Variants in HLA-E observed in about 807,000 individuals in gnomAD.
HLA-E encodes major histocompatibility complex, class I, E, also known as HLA class I histocompatibility antigen, alpha chain E.
In HLA-E, 25 loss-of-function variants were observed where a neutral mutation model predicts 43.4. The ratio of observed to expected loss-of-function variants is 0.58; its 90% CI spans 0.42 to 0.80. The LOEUF (loss-of-function observed/expected upper bound fraction) is 0.80. Ranked by LOEUF, HLA-E falls within the 30% of genes least tolerant of loss-of-function variation. The pLI is 0.00. For missense variants in HLA-E, 343 were observed against 470.0 expected (o/e 0.73, Z 2.50); for synonymous variants, 161 against 197.6 (o/e 0.81, Z 1.55).
At position 30,490,987 on chromosome 6, in the gene HLA-E, C is replaced by A; in HGVS notation, c.611-150C>A. 2 of 1,129,234 alleles carry A rather than the reference C, an allele frequency of 1.8e-6. No individual in the cohort carries two copies. Among genetic ancestry groups the A allele is most frequent in the Non-Finnish European group, 2.5e-6 (2 of 785,882 alleles). The allele number at this position is 1,129,234 out of a possible 1,614,324, so 70.0% of individuals were successfully genotyped here. On this transcript the variant is annotated intron_variant, in intron 3 of 7. Coordinates refer to ENST00000376630, the MANE Select transcript of HLA-E (RefSeq NM_005516.6). The surrounding 1 kb of genome is among the most constrained non-coding windows in gnomAD (Gnocchi z 6.6). ...AACTTTCCAAGGAATAAGAGGCTAT[C>A]CCAGATCCCTAAGTCCAGGCTGGTG...
rs566865526 is a variant in HLA-E at position 30,492,118 on chromosome 6, A to G, written c.1004-286A>G. Among the ~76,000 whole-genome samples the G allele has an allele frequency of 6.6e-6, 1 of 152,120 alleles. No individual in the cohort carries two copies. Among genetic ancestry groups the G allele is most frequent in the Admixed American group, 6.5e-5 (1 of 15,282 alleles). On this transcript the variant is annotated intron_variant, in intron 5 of 7. Coordinates refer to ENST00000376630, the MANE Select transcript of HLA-E (RefSeq NM_005516.6). This position sits in a 1 kb window ranked among gnomAD's most constrained non-coding sequence, Gnocchi z 4.5. ...ACCCAGCCGCACCTACTCTTTTGTAAAGCACCTGTGACAATGAAGGACAGA... is the reference window on the plus strand; with the variant it reads ...ACCCAGCCGCACCTACTCTTTTGTAGAGCACCTGTGACAATGAAGGACAGA...
rs1310561042 is a variant in HLA-E at position 30,491,572 on chromosome 6, A to G, written c.922A>G (p.Ile308Val). 2 of 1,613,546 alleles carry G rather than the reference A, an allele frequency of 1.2e-6. No individual in the cohort carries two copies. Among genetic ancestry groups the G allele is most frequent in the Admixed American group, 3.3e-5 (2 of 60,024 alleles). ...ASQPTIPIVGIIAGLVLLGSV... is the reference protein window; with the variant it reads ...ASQPTIPIVGVIAGLVLLGSV... ...CCAGCCCACCATCCCCATCGTGGGC[A>G]TCATTGCTGGCCTGGTTCTCCTTGG... The change falls in exon 5 of 8, where the codon ATC (isoleucine) becomes GTC (valine). Residue 308 changes from isoleucine to valine, a missense_variant. Ile to Val is a conservative substitution (Grantham distance 29). Around this residue, in one of 3 missense-constraint regions of HLA-E, gnomAD observed 190 missense variants for 283.6 expected, o/e 0.67. Coordinates refer to ENST00000376630, the MANE Select transcript of HLA-E (RefSeq NM_005516.6). The surrounding 1 kb of genome is among the most constrained non-coding windows in gnomAD (Gnocchi z 5.4).
rs1235170228 is a variant in HLA-E at position 30,490,842 on chromosome 6, C to T, written c.611-295C>T. 2.0e-5 allele frequency among the ~76,000 whole-genome samples: 3 copies of T among 152,126 alleles called. No individual in the cohort carries two copies. The highest frequency in any genetic ancestry group is 4.4e-5 in the Non-Finnish European group (3 of 68,010). On this transcript the variant is annotated intron_variant, in intron 3 of 7. Coordinates refer to ENST00000376630, the MANE Select transcript of HLA-E (RefSeq NM_005516.6). This position sits in a 1 kb window ranked among gnomAD's most constrained non-coding sequence, Gnocchi z 6.6. ...TTTCTCTCGTGCCTGATTCTCAGCC[C>T]CACACCAAGAGTTTTTGGAGGTCTG...
chr6:30,491,027 T>A lies in HLA-E; in HGVS notation c.611-110T>A. The A allele has an allele frequency of 6.9e-7, 1 of 1,448,240 alleles. No homozygotes were observed. Among genetic ancestry groups the A allele is most frequent in the East Asian group, 2.3e-5 (1 of 43,848 alleles). The allele number at this position is 1,448,240 out of a possible 1,614,324, so 89.7% of individuals were successfully genotyped here. On this transcript the variant is annotated intron_variant, in intron 3 of 7. Coordinates refer to ENST00000376630, the MANE Select transcript of HLA-E (RefSeq NM_005516.6). The surrounding 1 kb of genome is among the most constrained non-coding windows in gnomAD (Gnocchi z 5.4). ...CCAGGCTGGTGTCAAGGTTTTGTCC[T>A]CTTCTCCTACTATAATTGTCCTCTT... is the stretch of plus-strand genomic sequence containing the variant.
rs1197614864 is a variant in HLA-E, at chr6:30,489,782, C to T, written c.121C>T (p.Pro41Ser). 2 of 1,612,938 alleles carry T rather than the reference C, an allele frequency of 1.2e-6. No homozygotes were observed. The highest frequency in any genetic ancestry group is 1.7e-6 in the Non-Finnish European group (2 of 1,179,958). ...TSVSRPGRGE[P>S]RFISVGYVDD... is the part of the protein sequence containing the mutation. The stretch of plus-strand genomic sequence containing the variant: ...CGTGTCCCGGCCCGGCCGCGGGGAG[C>T]CCCGCTTCATCTCTGTGGGCTACGT... Residue 41 changes from proline to serine, a missense_variant, in exon 2 of 8, where the codon CCC becomes TCC. This residue lies in a region of HLA-E where 94 missense variants were observed against 144.4 expected (regional missense o/e 0.65). Coordinates refer to ENST00000376630, the MANE Select transcript of HLA-E (RefSeq NM_005516.6). The surrounding 1 kb of genome is among the most constrained non-coding windows in gnomAD (Gnocchi z 5.6).
rs1287655585 is a variant in HLA-E, at chr6:30,491,910, C to A, written c.1003+257C>A. 6.6e-6 allele frequency among the ~76,000 whole-genome samples: 1 copy of A among 152,142 alleles called. No individual in the cohort carries two copies. The highest frequency in any genetic ancestry group is 1.5e-5 in the Non-Finnish European group (1 of 68,038). On this transcript the variant is annotated intron_variant, in intron 5 of 7. Transcript: ENST00000376630. This position sits in a 1 kb window ranked among gnomAD's most constrained non-coding sequence, Gnocchi z 5.4. ...CTCCCAGGTTCAAGCAATTCTCCTG[C>A]CTCAGCCTCCCTAGTAGCTGGGACT...
In HLA-E at chr6:30,489,673, G is replaced by A. The variant is rs1796396163; in HGVS notation, c.65-53G>A. The A allele has an allele frequency of 1.2e-6, 2 of 1,609,922 alleles. No individual in the cohort carries two copies. Among genetic ancestry groups the A allele is most frequent in the South Asian group, 1.1e-5 (1 of 90,858 alleles). On this transcript the variant is annotated intron_variant, in intron 1 of 7. Transcript: ENST00000376630. The surrounding 1 kb of genome is among the most constrained non-coding windows in gnomAD (Gnocchi z 5.6). ...GGCCCGGCGGGGGCGAAGGACTCGGGGAGCCGCGCCGGGAGGAGGGTCGGG... is the reference window on the plus strand; with the variant it reads ...GGCCCGGCGGGGGCGAAGGACTCGGAGAGCCGCGCCGGGAGGAGGGTCGGG...
chr6:30,490,990 A>G lies in HLA-E; in HGVS notation c.611-147A>G, dbSNP rs539831882. 1 of 1,145,626 alleles carries G rather than the reference A, an allele frequency of 8.7e-7. No homozygotes were observed. The highest frequency in any genetic ancestry group is 2.4e-5 in the Admixed American group (1 of 41,448). The allele number at this position is 1,145,626 out of a possible 1,614,324, so 71.0% of individuals were successfully genotyped here. ...TTTCCAAGGAATAAGAGGCTATCCCAGATCCCTAAGTCCAGGCTGGTGTCA... is the reference window on the plus strand; with the variant it reads ...TTTCCAAGGAATAAGAGGCTATCCCGGATCCCTAAGTCCAGGCTGGTGTCA... On this transcript the variant is annotated intron_variant, in intron 3 of 7. Coordinates refer to ENST00000376630, the MANE Select transcript of HLA-E (RefSeq NM_005516.6). The surrounding 1 kb of genome is among the most constrained non-coding windows in gnomAD (Gnocchi z 6.6).
rs1394933171 is a variant in HLA-E at position 30,493,449 on chromosome 6, C to G, written c.*703C>G. On this transcript the variant is annotated 3_prime_UTR_variant, in exon 8 of 8. Coordinates refer to ENST00000376630, the MANE Select transcript of HLA-E (RefSeq NM_005516.6). The surrounding 1 kb of genome is among the most constrained non-coding windows in gnomAD (Gnocchi z 5.5). ...AGCAAATTTAGCCTATTCCTATTCT[C>G]TAGCCTATTCCTTACCACCTGTAAT... 1 of 152,212 alleles carries G rather than the reference C, an allele frequency of 6.6e-6. No individual in the cohort carries two copies. The highest frequency in any genetic ancestry group is 1.5e-5 in the Non-Finnish European group (1 of 68,056). 9.4% of individuals were successfully genotyped at this position (152,212 alleles called of 1,614,324 possible).
chr6:30,492,411 A>C lies in HLA-E; in HGVS notation c.1011A>C (p.Lys337Asn), dbSNP rs1214227859. The change falls in exon 6 of 8, where the codon AAA becomes AAC. Residue 337 changes from lysine to asparagine, a missense_variant. Around this residue, in one of 3 missense-constraint regions of HLA-E, gnomAD observed 190 missense variants for 283.6 expected, o/e 0.67. Transcript: ENST00000376630. The surrounding 1 kb of genome is among the most constrained non-coding windows in gnomAD (Gnocchi z 4.5). ...VIWRKKSSGG[K>N]GGSYSKAEWS... ...GACATTTTCTTCCAACAGGTGGAAAAGGAGGGAGCTACTCTAAGGCTGAGT... is the reference window on the plus strand; with the variant it reads ...GACATTTTCTTCCAACAGGTGGAAACGGAGGGAGCTACTCTAAGGCTGAGT... 6.2e-7 allele frequency: 1 copy of C among 1,614,110 alleles called. No individual in the cohort carries two copies. The highest frequency in any genetic ancestry group is 8.5e-7 in the Non-Finnish European group (1 of 1,179,998).
chr6:30,489,733 C>T lies in HLA-E; in HGVS notation c.72C>T (p.His24=), dbSNP rs899789175. ...LALTQTWAGS[H]SLKYFHTSVS... ...GCCCCTCCTCGCCCCCAGGCTCCCA[C>T]TCCTTGAAGTATTTCCACACTTCCG... Residue 24 remains histidine, a synonymous_variant, in exon 2 of 8, where the codon CAC becomes CAT. Transcript: ENST00000376630. This position sits in a 1 kb window ranked among gnomAD's most constrained non-coding sequence, Gnocchi z 5.6. The T allele has an allele frequency of 1.9e-6, 3 of 1,612,510 alleles. No individual in the cohort carries two copies. In the African/African-American group the frequency reaches 4.0e-5, roughly 22 times the overall value.
rs758950539 is a variant in HLA-E, at chr6:30,489,514, G to A, written c.-18G>A. On this transcript the variant is annotated 5_prime_UTR_variant, in exon 1 of 8. Coordinates refer to ENST00000376630, the MANE Select transcript of HLA-E (RefSeq NM_005516.6). This position sits in a 1 kb window ranked among gnomAD's most constrained non-coding sequence, Gnocchi z 5.6. Reference sequence around the variant, plus strand: ...CCATCCGGACTCAAGAAGTTCTCAGGACTCAGAGGCTGGGATCATGGTAGA... The same window carrying A: ...CCATCCGGACTCAAGAAGTTCTCAGAACTCAGAGGCTGGGATCATGGTAGA... 2.6e-6 allele frequency: 4 copies of A among 1,515,458 alleles called. No homozygotes were observed. Among genetic ancestry groups the A allele is most frequent in the Admixed American group, 2.3e-5 (1 of 43,960 alleles). The allele number at this position is 1,515,458 out of a possible 1,614,324, so 93.9% of individuals were successfully genotyped here.
Position 30,492,369 on chromosome 6 carries a change from TC to T in HLA-E, c.1004-32del, listed in dbSNP as rs767040803. 5 of 1,613,386 alleles carry T rather than the reference TC, an allele frequency of 3.1e-6. No homozygotes were observed. In the Admixed American group the frequency reaches 8.3e-5, roughly 27 times the overall value. ...TCTAGGACCTTATGGCCCTGCCTCCTCCCTGGCCCCTCACAGGACATTTTCT... is the reference window on the plus strand; with the variant it reads ...TCTAGGACCTTATGGCCCTGCCTCCTCCTGGCCCCTCACAGGACATTTTCT... On this transcript the variant is annotated intron_variant, in intron 5 of 7. Coordinates refer to ENST00000376630, the MANE Select transcript of HLA-E (RefSeq NM_005516.6). This position sits in a 1 kb window ranked among gnomAD's most constrained non-coding sequence, Gnocchi z 4.5.
chr6:30,492,545 C>T lies in HLA-E; in HGVS notation c.1041C>T (p.Ser347=), dbSNP rs370023535. 2.2e-5 allele frequency: 35 copies of T among 1,613,872 alleles called. No homozygotes were observed. The highest frequency in any genetic ancestry group is 8.0e-5 in the African/African-American group (6 of 74,854). ...KGGSYSKAEW[S]DSAQGSESHS... ...CTTGTTTTTGTTCTACCCCAGGGAG[C>T]GACAGTGCCCAGGGGTCTGAGTCTC... is the stretch of plus-strand genomic sequence containing the variant. Residue 347 remains serine (S), a synonymous_variant, in exon 7 of 8, where the codon AGC becomes AGT. Coordinates refer to ENST00000376630, the MANE Select transcript of HLA-E (RefSeq NM_005516.6). The surrounding 1 kb of genome is among the most constrained non-coding windows in gnomAD (Gnocchi z 4.5).
rs116563630 is a variant in HLA-E, at chr6:30,490,853, G to A, written c.611-284G>A. Among the ~76,000 whole-genome samples, 1,213 of 152,252 alleles carry A rather than the reference G, an allele frequency of 8.0e-3. 14 individuals are homozygous for A. The highest frequency in any genetic ancestry group is 0.026 in the African/African-American group (1,071 of 41,530). On this transcript the variant is annotated intron_variant, in intron 3 of 7. Transcript: ENST00000376630. This position sits in a 1 kb window ranked among gnomAD's most constrained non-coding sequence, Gnocchi z 6.6. Reference sequence around the variant, plus strand: ...CCTGATTCTCAGCCCCACACCAAGAGTTTTTGGAGGTCTGACTCCAGCTTT... The same window carrying A: ...CCTGATTCTCAGCCCCACACCAAGAATTTTTGGAGGTCTGACTCCAGCTTT...
At position 30,491,128 on chromosome 6, in the gene HLA-E, T is replaced by C; in HGVS notation, c.611-9T>C. 6.2e-7 allele frequency: 1 copy of C among 1,613,304 alleles called. No individual in the cohort carries two copies. The highest frequency in any genetic ancestry group is 8.5e-7 in the Non-Finnish European group (1 of 1,179,420). On this transcript the variant is annotated splice_polypyrimidine_tract_variant and intron_variant, in intron 3 of 7. Transcript: ENST00000376630. The surrounding 1 kb of genome is among the most constrained non-coding windows in gnomAD (Gnocchi z 5.4). ...CAAAGTGCCTGAATTTTCTGACTCT[T>C]CCCCTCAGAGCCCCCAAAGACACAC...
In HLA-E at chr6:30,489,634, A is replaced by G; in HGVS notation, c.64+39A>G. ...CGGGATGGAAACGGCCTCTACCGGG[A>G]GTAGAGAGGGGCCGGCCCGGCGGGG... On this transcript the variant is annotated intron_variant, in intron 1 of 7. Coordinates refer to ENST00000376630, the MANE Select transcript of HLA-E (RefSeq NM_005516.6). The surrounding 1 kb of genome is among the most constrained non-coding windows in gnomAD (Gnocchi z 5.6). 1 of 1,597,682 alleles carries G rather than the reference A, an allele frequency of 6.3e-7. No homozygotes were observed. Among genetic ancestry groups the G allele is most frequent in the Non-Finnish European group, 8.5e-7 (1 of 1,171,142 alleles).
At position 30,490,137 on chromosome 6, in the gene HLA-E, G is replaced by T. The variant is rs867684404; in HGVS notation, c.335-103G>T. 21 of 1,516,108 alleles carry T rather than the reference G, an allele frequency of 1.4e-5. 1 individual carries two copies. In the Middle Eastern group the frequency reaches 8.5e-4, roughly 61 times the overall value. The allele number at this position is 1,516,108 out of a possible 1,614,324, so 93.9% of individuals were successfully genotyped here. A position where few individuals can be genotyped will look rare whatever the true frequency, so the allele number is the denominator to read the frequency against. ...GACCCTAGACCGGGGAGAGTCTCAG[G>T]CGCCTTTACCCGGTTCTTTTTCAGT... is the stretch of plus-strand genomic sequence containing the variant. On this transcript the variant is annotated intron_variant, in intron 2 of 7. Coordinates refer to ENST00000376630, the MANE Select transcript of HLA-E (RefSeq NM_005516.6). The surrounding 1 kb of genome is among the most constrained non-coding windows in gnomAD (Gnocchi z 6.6).
chr6:30,489,563 C>G lies in HLA-E; in HGVS notation c.32C>G (p.Ser11Trp). Residue 11 changes from serine (S) to tryptophan (W), a missense_variant, in exon 1 of 8, where the codon TCG (serine) becomes TGG (tryptophan). This residue lies in a region of HLA-E where 94 missense variants were observed against 144.4 expected (regional missense o/e 0.65). Transcript: ENST00000376630. The surrounding 1 kb of genome is among the most constrained non-coding windows in gnomAD (Gnocchi z 5.6). MVDGTLLLLL[S>W]EALALTQTWA... Reference sequence around the variant, plus strand: ...GATGGAACCCTCCTTTTACTCCTCTCGGAGGCCCTGGCCCTTACCCAGACC... The same window carrying G: ...GATGGAACCCTCCTTTTACTCCTCTGGGAGGCCCTGGCCCTTACCCAGACC... 6.5e-7 allele frequency: 1 copy of G among 1,535,384 alleles called. No homozygotes were observed. Among genetic ancestry groups the G allele is most frequent in the Non-Finnish European group, 8.7e-7 (1 of 1,143,592 alleles).
Sources: allele counts gnomAD v4.1 joint callset (sites outside exome capture counted in the v4.1 genomes callset), GRCh38; gene constraint gnomAD v4.1.1; regional missense constraint gnomAD v4.1.1; non-coding constraint Gnocchi (gnomAD v3.1); transcripts MANE v1.5; gene names NCBI Gene and HGNC (gene_info 2026-07-23, HGNC 2026-07-21).